Variants in PGAP4 observed in about 807,000 individuals in gnomAD.
PGAP4 encodes post-GPI attachment to proteins GalNAc transferase 4.
In PGAP4, 12 loss-of-function variants were observed where a neutral mutation model predicts 28.2. The ratio of observed to expected loss-of-function variants is 0.42; its 90% CI spans 0.27 to 0.69. PGAP4 has a LOEUF of 0.69. PGAP4 is among the 30% of genes least tolerant of loss of function. The pLI is 0.22. For synonymous variants in PGAP4, 205 were observed against 211.8 expected (o/e 0.97, Z 0.28); for missense variants, 425 against 513.5 (o/e 0.83, Z 1.67).
chr9:101,520,413 A>G (rs1418754235), intron 2 of PGAP4, among the ~76,000 whole-genome samples: 1 of 152,136 alleles, frequency 6.6e-6, no homozygotes, highest in Non-Finnish European at 1.5e-5. Context: ...TTTTCCTTGT[A>G]GAGGTCTTTG....
chr9:101,520,437 G>A (rs1826979699), intron 2 of PGAP4, among the ~76,000 whole-genome samples: 2 of 152,144 alleles, frequency 1.3e-5, no homozygotes, highest in South Asian at 4.1e-4. Flanking sequence ...CCTTGGTTAA[G>A]TATATTTCTA....
intron 2 of PGAP4, among the ~76,000 whole-genome samples, chr9:101,501,047 ATGACTTCACAACTCAT>A (rs1365172802): frequency 6.6e-6 from 1 of 152,110 alleles, no homozygotes; most frequent in Non-Finnish European, 1.5e-5. Context: ...GATACATTTC[ATGACTTCACAACTCAT>A]TGTAAAAAAG....
intron 1 of PGAP4, among the ~76,000 whole-genome samples, 198 bp from the exon 2 acceptor site, chr9:101,477,367 T>TGGGATCTCTG: frequency 6.6e-6 from 1 of 152,090 alleles, no homozygotes; most frequent in South Asian, 2.1e-4. Context: ...TAACAACCTC[T>TGGGATCTCTG]GGATGTTTTT....
chr9:101,503,563 A>G (rs1271797769), intron 2 of PGAP4, among the ~76,000 whole-genome samples: 3 of 152,078 alleles, frequency 2.0e-5, no homozygotes, highest in Admixed American at 1.3e-4. Flanking sequence ...TAATAATTAC[A>G]TTCTCTACCA....
chr9:101,487,257 C>T (rs915363096), upstream of PGAP4: 1 of 152,298 alleles, frequency 6.6e-6, no homozygotes, highest in Non-Finnish European at 1.5e-5. Context: ...AGGAGTCGCC[C>T]CCAAGTCACG....
Position 101,527,126 on chromosome 9 carries a change from G to A in PGAP4, c.-165+4222C>T, listed in dbSNP as rs565351779. ...AGTGAGAAGAGAGAGTCGGCTGAGT[G>A]CTACAAGTATCACAGGGTTGACGAG... On this transcript the variant is annotated intron_variant, in intron 2 of 3. Coordinates refer to the PGAP4 transcript ENST00000374851. 4.5e-4 allele frequency among the ~76,000 whole-genome samples: 69 copies of A among 152,318 alleles called. 1 individual carries two copies. The highest frequency in any genetic ancestry group is 1.6e-3 in the African/African-American group (65 of 41,584).
At chr9:101,523,272 T>C (rs1345135908) in intron 2 of PGAP4, among the ~76,000 whole-genome samples, 1 of 152,184 alleles carries the variant, frequency 6.6e-6, no homozygotes, top group Non-Finnish European at 1.5e-5. Context: ...CAGGAAAGTT[T>C]TCCTTGATTA....
chr9:101,494,694 G>A (rs1242778162), intron 2 of PGAP4, among the ~76,000 whole-genome samples: 1 of 151,670 alleles, frequency 6.6e-6, no homozygotes, highest in Non-Finnish European at 1.5e-5. Context: ...AGCAATTTTA[G>A]ACTATAGCTG....
intron 2 of PGAP4, among the ~76,000 whole-genome samples, chr9:101,520,044 C>A (rs1826976008): frequency 6.6e-6 from 1 of 152,082 alleles, no homozygotes; most frequent in Non-Finnish European, 1.5e-5. Flanking sequence ...GGCTTTATTT[C>A]TGGATTCTTT....
upstream of PGAP4, among the ~76,000 whole-genome samples, chr9:101,489,615 G>A (rs961919747): frequency 6.6e-6 from 1 of 152,168 alleles, no homozygotes; most frequent in African/African-American, 2.4e-5. Context: ...AGAGCCAGGA[G>A]AATAAATAGC....
At chr9:101,510,545 T>C (rs1176415204) in intron 2 of PGAP4, among the ~76,000 whole-genome samples, 3 of 152,200 alleles carry the variant, frequency 2.0e-5, no homozygotes, top group Non-Finnish European at 4.4e-5. Flanking sequence ...CCTGTTGCAA[T>C]AGACCTGTAA....
At chr9:101,499,555 A>G (rs1199124528) in intron 2 of PGAP4, among the ~76,000 whole-genome samples, 1 of 152,098 alleles carries the variant, frequency 6.6e-6, no homozygotes, top group Non-Finnish European at 1.5e-5. Flanking sequence ...TGAAGTAATT[A>G]TTCTTGACTA....
At chr9:101,517,147 T>C (rs1203291216) in intron 2 of PGAP4, among the ~76,000 whole-genome samples, 14 of 152,174 alleles carry the variant, frequency 9.2e-5, no homozygotes, top group Non-Finnish European at 1.9e-4. Flanking sequence ...TAATGAGGAC[T>C]GTTTGTATAT....
intron 2 of PGAP4, among the ~76,000 whole-genome samples, chr9:101,503,815 T>C (rs1319239331): frequency 6.6e-6 from 1 of 152,034 alleles, no homozygotes; most frequent in African/African-American, 2.4e-5. Context: ...TGGGTACCAA[T>C]TGTGGTAAGA....
At chr9:101,477,235 A>G (rs74720238) in intron 1 of PGAP4, 66 bp from the exon 2 acceptor site, 1 of 962,122 alleles carries the variant, frequency 1.0e-6, no homozygotes, top group Non-Finnish European at 1.4e-6. Context: ...AACAAACAAA[A>G]AAACAAAAGG....
chr9:101,515,324 C>A (rs549677926), intron 2 of PGAP4, among the ~76,000 whole-genome samples: 1 of 152,228 alleles, frequency 6.6e-6, no homozygotes, highest in African/African-American at 2.4e-5. Context: ...TTTTGCCTCT[C>A]TCTTATGAAG....
At chr9:101,515,539 G>A (rs1010275660) in intron 2 of PGAP4, among the ~76,000 whole-genome samples, 3 of 152,132 alleles carry the variant, frequency 2.0e-5, no homozygotes, top group African/African-American at 7.2e-5. Context: ...GCACTCCTCA[G>A]TTTACATGGT....
At chr9:101,492,824 G>A (rs1826703193) in intron 2 of PGAP4, among the ~76,000 whole-genome samples, 2 of 152,028 alleles carry the variant, frequency 1.3e-5, no homozygotes, top group South Asian at 4.1e-4. Flanking sequence ...TATTCTCTCT[G>A]TCTTTTTGCT....
chr9:101,525,062 G>A (rs746687179), intron 2 of PGAP4, among the ~76,000 whole-genome samples: 1 of 152,190 alleles, frequency 6.6e-6, no homozygotes, highest in East Asian at 1.9e-4. Flanking sequence ...TGTGAATTGT[G>A]TACCAGTGAA....
Sources: gnomAD v4.1 joint callset for allele counts (sites outside exome capture counted in the v4.1 genomes callset) on GRCh38, gnomAD v4.1.1 for gene constraint, MANE v1.5 for transcripts, NCBI Gene and HGNC (gene_info 2026-07-23, HGNC 2026-07-21) for gene names.